The following RNF220 variants were observed in gnomAD, a reference collection of about 807,000 sequenced individuals.
RNF220 encodes E3 ubiquitin-protein ligase RNF220.
In RNF220, 7 loss-of-function variants were observed where a neutral mutation model predicts 67.1. The observed-to-expected ratio is 0.10, with a 90% confidence interval of 0.06 to 0.20. The LOEUF (loss-of-function observed/expected upper bound fraction) is 0.20, where lower values mean the gene tolerates loss of function less well. RNF220 is among the 10% of genes least tolerant of loss of function. RNF220 has a pLI of 1.00. For synonymous variants in RNF220, 270 were observed against 283.2 expected (o/e 0.95, Z 0.47); for missense variants, 565 against 740.3 (o/e 0.76, Z 2.75).
chr1:44,488,649 A>G (rs1387601921), intron 2 of RNF220, among the ~76,000 whole-genome samples: 3 of 151,990 alleles, frequency 2.0e-5, no homozygotes, highest in African/African-American at 7.2e-5. Flanking sequence ...TATGTTTTAC[A>G]TCATGACTCA....
intron 3 of RNF220, among the ~76,000 whole-genome samples, chr1:44,618,451 C>T (rs187628402): frequency 6.6e-6 from 1 of 152,344 alleles, no homozygotes; most frequent in Admixed American, 6.5e-5. Flanking sequence ...TTTCAAAGCA[C>T]TTTTCCATTT....
At chr1:44,608,840 AAGGCC>A (rs1667465193) in intron 2 of RNF220, among the ~76,000 whole-genome samples, 1 of 152,224 alleles carries the variant, frequency 6.6e-6, no homozygotes, top group African/African-American at 2.4e-5. Context: ...AGAAGGGAAG[AAGGCC>A]AGATATAGGC....
chr1:44,573,697 A>G (rs972163745), intron 2 of RNF220, among the ~76,000 whole-genome samples: 1 of 152,258 alleles, frequency 6.6e-6, no homozygotes, highest in Non-Finnish European at 1.5e-5. Flanking sequence ...AGTTGATTTC[A>G]TGGAAACATG....
At chr1:44,501,356 A>T (rs983966106) in intron 2 of RNF220, among the ~76,000 whole-genome samples, 2 of 151,068 alleles carry the variant, frequency 1.3e-5, no homozygotes, top group African/African-American at 4.9e-5. Flanking sequence ...AAGAAAGAGA[A>T]AGGTTAATGC....
intron 2 of RNF220, among the ~76,000 whole-genome samples, chr1:44,451,613 A>ATTTTAT (rs1188586202): frequency 2.6e-5 from 4 of 151,432 alleles, no homozygotes; most frequent in African/African-American, 9.7e-5. Flanking sequence ...ATTCTTTTTT[A>ATTTTAT]TTTTTGATTT....
intron 6 of RNF220, 126 bp from the exon 7 acceptor site, chr1:44,635,419 G>A: frequency 7.0e-7 from 1 of 1,432,210 alleles, no homozygotes; most frequent in Admixed American, 2.2e-5. Flanking sequence ...ATGAGGGCCA[G>A]ATCAGGCACT....
chr1:44,589,260 G>A (rs1665931988), intron 2 of RNF220, among the ~76,000 whole-genome samples: 2 of 152,166 alleles, frequency 1.3e-5, no homozygotes, highest in South Asian at 2.1e-4. Context: ...GTGACCTTCG[G>A]CAAGTCACCA....
At position 44,565,450 on chromosome 1, in the gene RNF220, G is replaced by T. The variant is rs930873385; in HGVS notation, c.626-48715G>T. 1.3e-5 allele frequency among the ~76,000 whole-genome samples: 2 copies of T among 152,186 alleles called. No homozygotes were observed. Among genetic ancestry groups the T allele is most frequent in the African/African-American group, 4.8e-5 (2 of 41,442 alleles). On this transcript the variant is annotated intron_variant, in intron 2 of 14. Transcript: ENST00000361799. The surrounding 1 kb of genome is among the most constrained non-coding windows in gnomAD (Gnocchi z 4.2). Reference sequence around the variant, plus strand: ...GGCCCAGGCAGAGCCAGAGAGAGCCGCAGGAGCCGCTTAATCTGCCCCTAG... The same window carrying T: ...GGCCCAGGCAGAGCCAGAGAGAGCCTCAGGAGCCGCTTAATCTGCCCCTAG...
intron 2 of RNF220, among the ~76,000 whole-genome samples, chr1:44,416,318 C>T (rs1293530972): frequency 2.0e-5 from 3 of 152,244 alleles, no homozygotes; most frequent in Non-Finnish European, 4.4e-5. Flanking sequence ...ACAAGTAGTT[C>T]ACGTGTGCTT....
intron 2 of RNF220, chr1:44,573,110 A>G: frequency 6.0e-6 from 1 of 167,522 alleles, no homozygotes; most frequent in South Asian, 1.3e-4. Flanking sequence ...AATATAAATT[A>G]TATAATTATT....
chr1:44,502,906 T>C (rs1658053987), intron 2 of RNF220, among the ~76,000 whole-genome samples: 1 of 152,140 alleles, frequency 6.6e-6, no homozygotes, highest in South Asian at 2.1e-4. Context: ...GCTGGGACTA[T>C]AGAAGCACGT....
rs1283588491 is a variant in RNF220 at position 44,446,762 on chromosome 1, C to T, written c.625+34040C>T. On this transcript the variant is annotated intron_variant, in intron 2 of 14. Coordinates refer to ENST00000361799, the MANE Select transcript of RNF220 (RefSeq NM_018150.4). ...TTAGTAGAGACGGGGTTTCACCATGCTGGCCAGGCTGATCTCAAACTCCTG... is the reference window on the plus strand; with the variant it reads ...TTAGTAGAGACGGGGTTTCACCATGTTGGCCAGGCTGATCTCAAACTCCTG... Among the ~76,000 whole-genome samples the T allele has an allele frequency of 2.0e-5, 3 of 152,082 alleles. No homozygotes were observed. In the East Asian group the frequency reaches 5.8e-4, roughly 29 times the overall value.
In RNF220 at chr1:44,649,616, T is replaced by TGA. The variant is rs779974449; in HGVS notation, c.1446-40_1446-39dup. The TGA allele has an allele frequency of 1.8e-5, 28 of 1,571,240 alleles. No homozygotes were observed. Among genetic ancestry groups the TGA allele is most frequent in the Non-Finnish European group, 1.7e-5 (19 of 1,141,440 alleles). ...GGGAGGCGTAGGCTGGAGGTACAGA[T>TGA]GAGAGATGCCAGCCTGCTACCCAAC... On this transcript the variant is annotated intron_variant, in intron 12 of 14. Coordinates refer to ENST00000361799, the MANE Select transcript of RNF220 (RefSeq NM_018150.4). The surrounding 1 kb of genome is among the most constrained non-coding windows in gnomAD (Gnocchi z 5.9).
At chr1:44,633,533 T>G (rs937209965) in intron 6 of RNF220, among the ~76,000 whole-genome samples, 1 of 152,224 alleles carries the variant, frequency 6.6e-6, no homozygotes, top group South Asian at 2.1e-4. Flanking sequence ...AAACCTGCCT[T>G]CCTTCTCTGA....
chr1:44,599,737 A>T (rs1468591016), intron 2 of RNF220, among the ~76,000 whole-genome samples: 1 of 152,238 alleles, frequency 6.6e-6, no homozygotes, highest in Non-Finnish European at 1.5e-5. Flanking sequence ...TGGCAGTGAG[A>T]ATACCAGATG....
intron 2 of RNF220, among the ~76,000 whole-genome samples, chr1:44,445,415 T>A (rs1651972332): frequency 2.6e-5 from 4 of 152,198 alleles, no homozygotes; most frequent in Admixed American, 2.6e-4. Flanking sequence ...GACTCTCCAT[T>A]GCCCTTGAAG....
chr1:44,606,480 T>G lies in RNF220; in HGVS notation c.626-7685T>G, dbSNP rs1667282458. ...GGAGGGTAGATGGTTGTGCTATGTATAAGATGAGTGGATGGGATGCTTTTC... is the reference window on the plus strand; with the variant it reads ...GGAGGGTAGATGGTTGTGCTATGTAGAAGATGAGTGGATGGGATGCTTTTC... On this transcript the variant is annotated intron_variant, in intron 2 of 14. Transcript: ENST00000361799. This position sits in a 1 kb window ranked among gnomAD's most constrained non-coding sequence, Gnocchi z 4.2. Among the ~76,000 whole-genome samples, 1 of 152,218 alleles carries G rather than the reference T, an allele frequency of 6.6e-6. No individual in the cohort carries two copies. Among genetic ancestry groups the G allele is most frequent in the Non-Finnish European group, 1.5e-5 (1 of 68,036 alleles).
At chr1:44,437,607 A>G (rs571433444) in intron 2 of RNF220, among the ~76,000 whole-genome samples, 2 of 152,176 alleles carry the variant, frequency 1.3e-5, no homozygotes, top group Non-Finnish European at 2.9e-5. Flanking sequence ...GAGGGAGGAA[A>G]GACAAGCTGT....
intron 2 of RNF220, among the ~76,000 whole-genome samples, chr1:44,451,151 C>T (rs1157740742): frequency 6.6e-6 from 1 of 151,606 alleles, no homozygotes; most frequent in African/African-American, 2.4e-5. Context: ...CCACTGCATT[C>T]CTGCCTGGGC....
Sources: allele counts gnomAD v4.1 joint callset (sites outside exome capture counted in the v4.1 genomes callset), GRCh38; gene constraint gnomAD v4.1.1; non-coding constraint Gnocchi (gnomAD v3.1); transcripts MANE v1.5; gene names NCBI Gene and HGNC (gene_info 2026-07-23, HGNC 2026-07-21).